SLC26A11: variants seen among roughly 807,000 people sequenced by gnomAD.
The protein encoded by SLC26A11 is sodium-independent sulfate anion transporter.
Under a neutral mutation model 62.2 loss-of-function variants are expected in SLC26A11, and 58 were observed. The observed-to-expected ratio is 0.93, with a 90% CI of 0.76 to 1.16. The LOEUF (loss-of-function observed/expected upper bound fraction) is 1.16. Ranked by LOEUF, SLC26A11 falls within the 50% of genes most tolerant of loss-of-function variation. The pLI, the probability that SLC26A11 is intolerant of heterozygous loss-of-function variation, is 0.00. For missense variants in SLC26A11, 790 were observed against 794.3 expected (o/e 0.99, Z 0.06); for synonymous variants, 411 against 368.9 (o/e 1.11, Z -1.31).
chr17:80,230,271 C>T (rs2042528822), intron 7 of SLC26A11, among the ~76,000 whole-genome samples: 1 of 150,806 alleles, frequency 6.6e-6, no homozygotes, highest in Non-Finnish European at 1.5e-5. Flanking sequence ...TTTTGTATGA[C>T]TTTATGAGAT....
chr17:80,253,188 G>A lies in SLC26A11; in HGVS notation c.*472G>A, dbSNP rs1472906871. The stretch of plus-strand genomic sequence containing the variant: ...GAGAGAAAACCAAGGTGTGTCAAAT[G>A]ACGTCAAGTCTCTATTTAAAAATAA... On this transcript the variant is annotated 3_prime_UTR_variant, in exon 18 of 18. Transcript: ENST00000361193. 3 of 152,902 alleles carry A rather than the reference G, an allele frequency of 2.0e-5. No individual in the cohort carries two copies. Among genetic ancestry groups the A allele is most frequent in the African/African-American group, 7.2e-5 (3 of 41,448 alleles). The allele number at this position is 152,902 out of a possible 1,614,324, so 9.5% of individuals were successfully genotyped here. A position where few individuals can be genotyped will look rare whatever the true frequency, so the allele number is the denominator to read the frequency against.
At position 80,246,033 on chromosome 17, in the gene SLC26A11, G is replaced by A. The variant is rs1299687861; in HGVS notation, c.1098-121G>A. The A allele has an allele frequency of 3.2e-6, 4 of 1,236,130 alleles. No homozygotes were observed. The highest frequency in any genetic ancestry group is 2.3e-5 in the East Asian group (1 of 43,118). The allele number at this position is 1,236,130 out of a possible 1,614,324, so 76.6% of individuals were successfully genotyped here. A position where few individuals can be genotyped will look rare whatever the true frequency, so the allele number is the denominator to read the frequency against. ...TTGCCTCGGTCCCCTTGCAGTCCCCGCCTGCTTCCCAAGCCGTGCTGGGAG... is the reference window on the plus strand; with the variant it reads ...TTGCCTCGGTCCCCTTGCAGTCCCCACCTGCTTCCCAAGCCGTGCTGGGAG... On this transcript the variant is annotated intron_variant, in intron 11 of 17. Coordinates refer to ENST00000361193, the MANE Select transcript of SLC26A11 (RefSeq NM_001166347.2). This position sits in a 1 kb window ranked among gnomAD's most constrained non-coding sequence, Gnocchi z 4.4.
In SLC26A11 at chr17:80,252,650, G is replaced by C; in HGVS notation, c.1755G>C (p.Gly585=). 1 of 1,613,970 alleles carries C rather than the reference G, an allele frequency of 6.2e-7. No homozygotes were observed. Among genetic ancestry groups the C allele is most frequent in the Non-Finnish European group, 8.5e-7 (1 of 1,179,956 alleles). Residue 585 remains glycine, a synonymous_variant, in exon 18 of 18, where the codon GGG becomes GGC. Coordinates refer to ENST00000361193, the MANE Select transcript of SLC26A11 (RefSeq NM_001166347.2). The surrounding 1 kb of genome is among the most constrained non-coding windows in gnomAD (Gnocchi z 5.2). ...AGAAGCACCTGAGGCAGGAGCCAGGGACCCAGCCCTACAACATCAGAGAAG... is the reference window on the plus strand; with the variant it reads ...AGAAGCACCTGAGGCAGGAGCCAGGCACCCAGCCCTACAACATCAGAGAAG... ...EAEKHLRQEP[G]TQPYNIREDS...
In SLC26A11 at chr17:80,223,278, C is replaced by A; in HGVS notation, c.454C>A (p.Pro152Thr). 1 of 1,614,106 alleles carries A rather than the reference C, an allele frequency of 6.2e-7. No homozygotes were observed. The highest frequency in any genetic ancestry group is 8.5e-7 in the Non-Finnish European group (1 of 1,180,018). Residue 152 changes from proline to threonine, a missense_variant, in exon 5 of 18, where the codon CCC (proline) becomes ACC (threonine). Transcript: ENST00000361193. This position sits in a 1 kb window ranked among gnomAD's most constrained non-coding sequence, Gnocchi z 4.6. ...LGFLLDFISY[P>T]VIKGFTSAAA... ...GTTCCTGCTGGACTTCATTTCCTAC[C>A]CCGTCATTAAAGGCTTCACCTCTGC...
intron 17 of SLC26A11, 26 bp downstream of exon 17, chr17:80,251,427 CTTTGGTGAT>C (rs748324809): frequency 1.9e-6 from 3 of 1,611,952 alleles, no homozygotes; most frequent in Non-Finnish European, 2.5e-6. Context: ...CATCCTGTGG[CTTTGGTGAT>C]TTTGTAAAAA....
At chr17:80,221,896 G>A in intron 3 of SLC26A11, 102 bp downstream of exon 3, 2 of 1,244,012 alleles carry the variant, frequency 1.6e-6, no homozygotes, top group South Asian at 1.5e-5. Flanking sequence ...CCAGCCCCTG[G>A]GCCCCAAGGA....
rs779456643 is a variant in SLC26A11, at chr17:80,223,228, C to T, written c.428-24C>T. On this transcript the variant is annotated intron_variant, in intron 4 of 17. Transcript: ENST00000361193. This position sits in a 1 kb window ranked among gnomAD's most constrained non-coding sequence, Gnocchi z 4.6. The stretch of plus-strand genomic sequence containing the variant: ...GGACTGGGTGGAGCCGGGACCAGCT[C>T]GATGTCCCCTCTTGGCTGGCCAGGG... The T allele has an allele frequency of 8.1e-6, 13 of 1,605,782 alleles. No individual in the cohort carries two copies. Among genetic ancestry groups the T allele is most frequent in the South Asian group, 3.3e-5 (3 of 90,874 alleles).
chr17:80,229,896 G>C (rs1318861049), intron 7 of SLC26A11, among the ~76,000 whole-genome samples: 1 of 152,110 alleles, frequency 6.6e-6, no homozygotes, highest in Non-Finnish European at 1.5e-5. Context: ...GGATTCATGG[G>C]GTCAGCTTAG....
chr17:80,221,831 A>T (rs1422776814), intron 3 of SLC26A11, 37 bp downstream of exon 3: 5 of 1,579,050 alleles, frequency 3.2e-6, no homozygotes, highest in African/African-American at 1.3e-5. Context: ...CATATCTCAG[A>T]AACAGTGCAG....
chr17:80,225,321 C>T (rs2042378992), intron 5 of SLC26A11, among the ~76,000 whole-genome samples: 1 of 152,246 alleles, frequency 6.6e-6, no homozygotes, highest in African/African-American at 2.4e-5. Context: ...CTTGAAGCCC[C>T]TCAGAGCCCT....
intron 9 of SLC26A11, among the ~76,000 whole-genome samples, chr17:80,240,664 G>C (rs144775716): frequency 6.6e-6 from 1 of 151,986 alleles, no homozygotes; most frequent in Admixed American, 6.6e-5. Context: ...TTAGCTGTGC[G>C]TGGTGGCATG....
rs938502184 is a variant in SLC26A11, at chr17:80,251,548, A to T, written c.1729+147A>T. On this transcript the variant is annotated intron_variant, in intron 17 of 17. Coordinates refer to ENST00000361193, the MANE Select transcript of SLC26A11 (RefSeq NM_001166347.2). ...GAGGCCGAGGCAGGTGGATCACCTGAGGTCAGGAGTTCGAGACCAGCCTGG... is the reference window on the plus strand; with the variant it reads ...GAGGCCGAGGCAGGTGGATCACCTGTGGTCAGGAGTTCGAGACCAGCCTGG... The T allele has an allele frequency of 2.0e-5, 20 of 1,017,396 alleles. No homozygotes were observed. The African/African-American group carries it at 3.1e-4, about 16-fold the overall frequency. The allele number at this position is 1,017,396 out of a possible 1,614,324, so 63.0% of individuals were successfully genotyped here.
intron 15 of SLC26A11, among the ~76,000 whole-genome samples, chr17:80,248,921 TTTTAGGGGAGCTAAGGGCCTG>T (rs2043085668): frequency 6.6e-6 from 1 of 152,090 alleles, no homozygotes; most frequent in Admixed American, 6.6e-5. Context: ...GGGGGGTTGA[TTTTAGGGGAGCTAAGGGCCTG>T]TGAGTCCTAG....
chr17:80,220,601 C>T (rs1419518392), intron 1 of SLC26A11, 105 bp downstream of exon 1: 2 of 353,356 alleles, frequency 5.7e-6, no homozygotes, highest in Non-Finnish European at 1.0e-5. Context: ...AGCGCGGAGT[C>T]CTGAAGTGCG....
rs1474974266 is a variant in SLC26A11 at position 80,248,497 on chromosome 17, G to C, written c.1423-78G>C. 3.5e-6 allele frequency: 5 copies of C among 1,439,342 alleles called. No homozygotes were observed. The East Asian group carries it at 1.0e-4, about 29-fold the overall frequency. 89.2% of individuals were successfully genotyped at this position (1,439,342 alleles called of 1,614,324 possible). ...CTGCAGCACACTAGGTTGGGTGGGG[G>C]CTTCCCGCTTGGGACAGGCCAAGCC... is the stretch of plus-strand genomic sequence containing the variant. On this transcript the variant is annotated intron_variant, in intron 14 of 17. Coordinates refer to ENST00000361193, the MANE Select transcript of SLC26A11 (RefSeq NM_001166347.2).
rs184512449 is a variant in SLC26A11, at chr17:80,247,097, C to A, written c.1294+448C>A. ...ATTATTTTTATTTTTTTTTATTGAT[C>A]ATTCTTGGGTGTTTCTTGCAGAGGG... On this transcript the variant is annotated intron_variant, in intron 13 of 17. Transcript: ENST00000361193. Among the ~76,000 whole-genome samples the A allele has an allele frequency of 1.6e-3, 242 of 149,654 alleles. 1 individual carries two copies. Among genetic ancestry groups the A allele is most frequent in the African/African-American group, 5.5e-3 (224 of 40,696 alleles).
rs1157006618 is a variant in SLC26A11, at chr17:80,253,309, C to T, written c.*593C>T. ...AAAATACAGGAAACCACCCCTCACC[C>T]TGTCCACTTGGGTGATCATTCCAGA... On this transcript the variant is annotated 3_prime_UTR_variant, in exon 18 of 18. Coordinates refer to ENST00000361193, the MANE Select transcript of SLC26A11 (RefSeq NM_001166347.2). 1.3e-5 allele frequency: 2 copies of T among 152,662 alleles called. No homozygotes were observed. The highest frequency in any genetic ancestry group is 2.9e-5 in the Non-Finnish European group (2 of 68,368). 9.5% of individuals were successfully genotyped at this position (152,662 alleles called of 1,614,324 possible). A position where few individuals can be genotyped will look rare whatever the true frequency, so the allele number is the denominator to read the frequency against.
At chr17:80,234,793 G>A (rs1275579282) in intron 7 of SLC26A11, among the ~76,000 whole-genome samples, 1 of 149,778 alleles carries the variant, frequency 6.7e-6, no homozygotes, top group Non-Finnish European at 1.5e-5. Context: ...CCAAGTGCTT[G>A]TTCCGTCTCA....
rs1425045834 is a variant in SLC26A11 at position 80,232,158 on chromosome 17, C to CT, written c.736+4206dup. 3.3e-5 allele frequency among the ~76,000 whole-genome samples: 5 copies of CT among 151,958 alleles called. No homozygotes were observed. The South Asian group carries it at 6.2e-4, about 19-fold the overall frequency. On this transcript the variant is annotated intron_variant, in intron 7 of 17. Coordinates refer to ENST00000361193, the MANE Select transcript of SLC26A11 (RefSeq NM_001166347.2). ...ATTATAATTTTCTCTTGGAATGATACTTTTTTTTCTGGGCAATATTCTCTT... is the reference window on the plus strand; with the variant it reads ...ATTATAATTTTCTCTTGGAATGATACTTTTTTTTTCTGGGCAATATTCTCTT...
Sources: allele counts gnomAD v4.1 joint callset (sites outside exome capture counted in the v4.1 genomes callset), GRCh38; gene constraint gnomAD v4.1.1; non-coding constraint Gnocchi (gnomAD v3.1); transcripts MANE v1.5; gene names NCBI Gene and HGNC (gene_info 2026-07-23, HGNC 2026-07-21).